The following GYS2 variants were observed in gnomAD, a reference collection of about 807,000 sequenced individuals.
The protein encoded by GYS2 is glycogen synthase 2.
GYS2 carries 80 observed loss-of-function variants against 85.6 expected under a neutral mutation model. The ratio of observed to expected loss-of-function variants is 0.93; its 90% CI spans 0.78 to 1.13. The LOEUF is 1.13. Among genes scored for constraint, GYS2 ranks in the 50% most tolerant of loss-of-function variants. The pLI is 0.00. For missense variants in GYS2, 881 were observed against 854.9 expected, an observed-to-expected ratio of 1.03 and a Z score of -0.38; for synonymous variants, 328 against 300.7, an observed-to-expected ratio of 1.09 and a Z score of -0.94.
In GYS2 at chr12:21,540,576, G is replaced by C. The variant is rs1393036735; in HGVS notation, c.1646-3C>G. ...CCGCCTGTCAACGATGTAAATACCTGAAGAACACAAAAGCCAAAGCACAAG... is the reference window on the plus strand; with the variant it reads ...CCGCCTGTCAACGATGTAAATACCTCAAGAACACAAAAGCCAAAGCACAAG... On this transcript the variant is annotated splice_polypyrimidine_tract_variant and splice_region_variant and intron_variant, in intron 13 of 15. Transcript: ENST00000261195. 2 of 1,613,096 alleles carry C rather than the reference G, an allele frequency of 1.2e-6. No individual in the cohort carries two copies. The highest frequency in any genetic ancestry group is 1.7e-5 in the Admixed American group (1 of 60,014).
chr12:21,578,447 C>T (rs1440542290), intron 2 of GYS2, among the ~76,000 whole-genome samples: 1 of 152,196 alleles, frequency 6.6e-6, no homozygotes, highest in Non-Finnish European at 1.5e-5. Context: ...CACCATCACT[C>T]AGACTGCAGA....
chr12:21,541,268 CAAAAAA>C (rs3832848), intron 13 of GYS2, among the ~76,000 whole-genome samples: 4 of 46,330 alleles, frequency 8.6e-5, no homozygotes, highest in East Asian at 9.3e-4. Context: ...ACCATGTTTC[CAAAAAA>C]AAAAAAAAAA....
chr12:21,579,540 A>G (rs1944485181), intron 2 of GYS2, among the ~76,000 whole-genome samples: 2 of 152,010 alleles, frequency 1.3e-5, no homozygotes, highest in South Asian at 4.2e-4. Flanking sequence ...TTGTATATCT[A>G]GTAGAGACAG....
chr12:21,577,276 C>T (rs1944457171), intron 2 of GYS2, among the ~76,000 whole-genome samples: 1 of 152,176 alleles, frequency 6.6e-6, no homozygotes, highest in Non-Finnish European at 1.5e-5. Flanking sequence ...CTGTGAATAA[C>T]ATGTAATATT....
chr12:21,587,962 G>A (rs1341330582), intron 1 of GYS2, among the ~76,000 whole-genome samples: 3 of 152,152 alleles, frequency 2.0e-5, no homozygotes, highest in African/African-American at 7.2e-5. Flanking sequence ...GGGGTAAGGG[G>A]AGGAAGACCT....
At chr12:21,552,414 A>G (rs1444506165) in intron 11 of GYS2, among the ~76,000 whole-genome samples, 2 of 69,282 alleles carry the variant, frequency 2.9e-5, no homozygotes, top group Non-Finnish European at 7.1e-5. Context: ...TCAAAAACTT[A>G]TCAATGCACT....
intron 1 of GYS2, among the ~76,000 whole-genome samples, chr12:21,592,114 A>T (rs1317989752): frequency 6.6e-6 from 1 of 151,826 alleles, no homozygotes; most frequent in East Asian, 1.9e-4. Context: ...CACTACAGAA[A>T]ATCACCAAAC....
chr12:21,561,097 A>G (rs925201571), intron 7 of GYS2, among the ~76,000 whole-genome samples: 43 of 152,188 alleles, frequency 2.8e-4, no homozygotes, highest in African/African-American at 9.9e-4. Context: ...CTTTTGGGAT[A>G]GCAGACACTG....
At chr12:21,585,578 A>G (rs1944563430) in intron 1 of GYS2, among the ~76,000 whole-genome samples, 1 of 151,630 alleles carries the variant, frequency 6.6e-6, no homozygotes. Flanking sequence ...AAAAAAAAAA[A>G]GACAAGACCT....
chr12:21,601,495 G>T (rs966514096), intron 1 of GYS2, among the ~76,000 whole-genome samples: 1 of 152,106 alleles, frequency 6.6e-6, no homozygotes, highest in African/African-American at 2.4e-5. Flanking sequence ...TTCGAACAGA[G>T]AACACTTCTG....
chr12:21,554,408 C>A (rs577371377), intron 11 of GYS2, among the ~76,000 whole-genome samples: 2 of 152,266 alleles, frequency 1.3e-5, no homozygotes, highest in African/African-American at 4.8e-5. Flanking sequence ...GCTTTCGACC[C>A]CTTCATCCTT....
At chr12:21,601,712 T>C (rs191571690) in intron 1 of GYS2, among the ~76,000 whole-genome samples, 1 of 152,224 alleles carries the variant, frequency 6.6e-6, no homozygotes, top group Non-Finnish European at 1.5e-5. Context: ...CACATTTGAC[T>C]GTATTGTATG....
At chr12:21,555,565 T>A (rs1452231196) in intron 11 of GYS2, among the ~76,000 whole-genome samples, 2 of 152,222 alleles carry the variant, frequency 1.3e-5, no homozygotes, top group African/African-American at 2.4e-5. Context: ...AATTTACATT[T>A]GTCTCATCTG....
At chr12:21,573,336 C>A (rs990319324) in intron 4 of GYS2, among the ~76,000 whole-genome samples, 1 of 152,114 alleles carries the variant, frequency 6.6e-6, no homozygotes, top group Non-Finnish European at 1.5e-5. Flanking sequence ...GATAGCAAAA[C>A]TGAACCCTAG....
intron 12 of GYS2, among the ~76,000 whole-genome samples, chr12:21,543,395 T>C (rs1040798542): frequency 5.9e-5 from 9 of 152,272 alleles, no homozygotes; most frequent in African/African-American, 2.2e-4. Context: ...TGGTGGGTGG[T>C]GCAGAGGAGG....
chr12:21,552,017 G>T (rs902551512), intron 11 of GYS2, among the ~76,000 whole-genome samples: 13 of 152,280 alleles, frequency 8.5e-5, no homozygotes, highest in African/African-American at 3.1e-4. Flanking sequence ...GAAAACAGCT[G>T]CTCTGGCTCT....
chr12:21,566,451 C>A (rs776291141), intron 5 of GYS2, among the ~76,000 whole-genome samples: 10 of 151,716 alleles, frequency 6.6e-5, no homozygotes, highest in Non-Finnish European at 1.3e-4. Context: ...AGAGATTTCA[C>A]AATTTCCATC....
At position 21,574,381 on chromosome 12, in the gene GYS2, C is replaced by A. The variant is rs7963756; in HGVS notation, c.496-55G>T. On this transcript the variant is annotated intron_variant, in intron 3 of 15. Transcript: ENST00000261195. ...AAGTTGTTGATGAAGCTTGATTGTG[C>A]TCATGGTCCACATCATAAGTGGAGT... The A allele has an allele frequency of 0.99, 1,358,464 of 1,369,104 alleles. 674,410 individuals carry two copies. The highest frequency in any genetic ancestry group is 1 in the Non-Finnish European group (957,830 of 958,336). The allele number at this position is 1,369,104 out of a possible 1,614,324, so 84.8% of individuals were successfully genotyped here.
chr12:21,596,472 C>A (rs1944698139), intron 1 of GYS2, among the ~76,000 whole-genome samples: 1 of 151,832 alleles, frequency 6.6e-6, no homozygotes, highest in Non-Finnish European at 1.5e-5. Flanking sequence ...TGTGATACAC[C>A]ACATAAACAG....
Sources: gnomAD v4.1 joint callset for allele counts (sites outside exome capture counted in the v4.1 genomes callset) on GRCh38, gnomAD v4.1.1 for gene constraint, MANE v1.5 for transcripts, NCBI Gene and HGNC (gene_info 2026-07-23, HGNC 2026-07-21) for gene names.